Variants in NDRG4 observed in about 807,000 individuals in gnomAD.
NDRG4 encodes NDRG family member 4, also known as protein NDRG4.
A neutral mutation model predicts 55.8 loss-of-function variants in NDRG4; 38 were observed. The observed-to-expected ratio is 0.68, with a 90% CI of 0.53 to 0.89. The LOEUF is 0.89. Among genes scored for constraint, NDRG4 ranks in the 40% least tolerant of loss-of-function variants. The pLI, the probability that NDRG4 is intolerant of heterozygous loss-of-function variation, is 0.00. For missense variants in NDRG4, 455 were observed against 468.6 expected (o/e 0.97, Z 0.27); for synonymous variants, 190 against 182.7 (o/e 1.04, Z -0.32).
chr16:58,512,993 C>T lies in NDRG4; in HGVS notation c.*1417C>T, dbSNP rs991393699. ...TCTATAATCTTAAGCCATGACTAGC[C>T]TGGTGGCGTGTTAGTTTCTGCCCAG... On this transcript the variant is annotated 3_prime_UTR_variant, in exon 15 of 15. Coordinates refer to ENST00000570248, the MANE Select transcript of NDRG4 (RefSeq NM_001242835.2). The T allele has an allele frequency of 1.3e-5, 2 of 152,690 alleles. No homozygotes were observed. The highest frequency in any genetic ancestry group is 2.9e-5 in the Non-Finnish European group (2 of 68,088). The allele number at this position is 152,690 out of a possible 1,614,324, so 9.5% of individuals were successfully genotyped here. A position where few individuals can be genotyped will look rare whatever the true frequency, so the allele number is the denominator to read the frequency against.
At chr16:58,488,046 C>T (rs771092569) in intron 2 of NDRG4, among the ~76,000 whole-genome samples, 1 of 152,130 alleles carries the variant, frequency 6.6e-6, no homozygotes, top group Non-Finnish European at 1.5e-5. Context: ...TGGCTTCAGC[C>T]GTCTTTGAGG....
At chr16:58,466,478 C>T (rs1274199398) in intron 1 of NDRG4, among the ~76,000 whole-genome samples, 1 of 152,242 alleles carries the variant, frequency 6.6e-6, no homozygotes, top group African/African-American at 2.4e-5. Flanking sequence ...ATGCACTGTT[C>T]TCTCATCTCC....
intron 5 of NDRG4, among the ~76,000 whole-genome samples, chr16:58,505,212 A>G (rs574780612): frequency 7.6e-4 from 116 of 151,712 alleles, no homozygotes; most frequent in East Asian, 4.1e-3. Flanking sequence ...AGCCGGGCGT[A>G]GTGGCGGGCG....
At chr16:58,493,471 G>A (rs1010580838) in intron 2 of NDRG4, among the ~76,000 whole-genome samples, 6 of 152,178 alleles carry the variant, frequency 3.9e-5, no homozygotes, top group Admixed American at 1.3e-4. Context: ...GTTTTGACAC[G>A]TTGGCCAGGC....
At chr16:58,507,648 C>G (rs909750227) in intron 8 of NDRG4, 160 bp from the exon 9 acceptor site, 3 of 684,458 alleles carry the variant, frequency 4.4e-6, no homozygotes, top group East Asian at 5.4e-5. Flanking sequence ...CTGGTATGTG[C>G]TAGGGAGTCC....
At chr16:58,490,861 C>T (rs540713557) in intron 2 of NDRG4, among the ~76,000 whole-genome samples, 99 of 152,256 alleles carry the variant, frequency 6.5e-4, no homozygotes, top group Middle Eastern at 3.4e-3. Flanking sequence ...CCTGTACTCC[C>T]AGCTATTCGG....
intron 1 of NDRG4, chr16:58,502,064 A>G (rs771775016): frequency 2.2e-6 from 1 of 455,086 alleles, no homozygotes; most frequent in South Asian, 1.5e-5. Context: ...TCTCCTGTGA[A>G]CATGCAGCCT....
intron 1 of NDRG4, among the ~76,000 whole-genome samples, chr16:58,485,684 A>G (rs2035006527): frequency 6.6e-6 from 1 of 152,146 alleles, no homozygotes; most frequent in Admixed American, 6.5e-5. Flanking sequence ...ATGCCTTTCT[A>G]AAAATACAGC....
At chr16:58,478,993 G>T (rs960611280) in intron 1 of NDRG4, among the ~76,000 whole-genome samples, 1 of 151,906 alleles carries the variant, frequency 6.6e-6, no homozygotes, top group Non-Finnish European at 1.5e-5. Context: ...GCCAATATAT[G>T]TACCTGTTCA....
rs2038892870 is a variant in NDRG4 at position 58,512,270 on chromosome 16, A to C, written c.*694A>C. On this transcript the variant is annotated 3_prime_UTR_variant, in exon 15 of 15. Transcript: ENST00000570248. The stretch of plus-strand genomic sequence containing the variant: ...TCTGCCACCTCCTGGCCCTGTCCCA[A>C]TTCTGAGCCAAGGCCTCCCCGAGGC... 10 of 359,004 alleles carry C rather than the reference A, an allele frequency of 2.8e-5. 1 individual carries two copies. Among genetic ancestry groups the C allele is most frequent in the South Asian group, 1.4e-4 (7 of 48,668 alleles). The allele number at this position is 359,004 out of a possible 1,614,324, so 22.2% of individuals were successfully genotyped here. A position where few individuals can be genotyped will look rare whatever the true frequency, so the allele number is the denominator to read the frequency against.
At chr16:58,511,354 TAC>T in intron 14 of NDRG4, 66 bp from the exon 15 acceptor site, 1 of 1,502,974 alleles carries the variant, frequency 6.7e-7, no homozygotes, top group South Asian at 1.3e-5. Context: ...GCTTGCAGCC[TAC>T]TTTTCCCACC....
intron 1 of NDRG4, among the ~76,000 whole-genome samples, chr16:58,487,503 G>A (rs1220491401): frequency 6.6e-6 from 1 of 152,082 alleles, no homozygotes; most frequent in Non-Finnish European, 1.5e-5. Context: ...CTGGGTGACA[G>A]AGTGAGACTC....
chr16:58,477,800 A>AT (rs1293408570), intron 1 of NDRG4, among the ~76,000 whole-genome samples: 24 of 152,256 alleles, frequency 1.6e-4, no homozygotes, highest in Non-Finnish European at 2.9e-4. Flanking sequence ...GGGAAGTATG[A>AT]TGAGACATAG....
intron 14 of NDRG4, chr16:58,510,954 T>C (rs2038723707): frequency 3.5e-6 from 2 of 564,980 alleles, no homozygotes; most frequent in Non-Finnish European, 6.3e-6. Context: ...TCCTTAGAGG[T>C]AGAGCCCAGG....
At chr16:58,497,517 C>T (rs962109924), upstream of NDRG4, among the ~76,000 whole-genome samples, 1 of 151,206 alleles carries the variant, frequency 6.6e-6, no homozygotes, top group Non-Finnish European at 1.5e-5. Flanking sequence ...CCTAACCTCT[C>T]CAACTCTCAG....
Position 58,512,222 on chromosome 16 carries a change from A to T in NDRG4, c.*646A>T. 2 of 407,680 alleles carry T rather than the reference A, an allele frequency of 4.9e-6. No homozygotes were observed. The highest frequency in any genetic ancestry group is 3.6e-5 in the South Asian group (2 of 54,888). 25.3% of individuals were successfully genotyped at this position (407,680 alleles called of 1,614,324 possible). On this transcript the variant is annotated 3_prime_UTR_variant, in exon 15 of 15. Coordinates refer to ENST00000570248, the MANE Select transcript of NDRG4 (RefSeq NM_001242835.2). The stretch of plus-strand genomic sequence containing the variant: ...AGAACCGTCAGGGCAGGAACCCCAC[A>T]GACTGTCCCTTCCAGCCCACACTCT...
intron 1 of NDRG4, among the ~76,000 whole-genome samples, chr16:58,466,796 G>A (rs375916909): frequency 5.3e-5 from 8 of 152,278 alleles, no homozygotes; most frequent in African/African-American, 1.9e-4. Context: ...TCAGACTTCA[G>A]CCCTCTCATC....
At chr16:58,500,044 C>T, upstream of NDRG4, 10 of 1,407,538 alleles carry the variant, frequency 7.1e-6, no homozygotes, top group Non-Finnish European at 9.4e-6. Context: ...GCTGGGGCTC[C>T]TGGTAAGCGA....
chr16:58,466,434 G>T (rs1184242706), intron 1 of NDRG4, among the ~76,000 whole-genome samples: 1 of 152,198 alleles, frequency 6.6e-6, no homozygotes, highest in Non-Finnish European at 1.5e-5. Context: ...CATGTGTGGG[G>T]GGCTCAAGCA....
Sources: allele counts gnomAD v4.1 joint callset (sites outside exome capture counted in the v4.1 genomes callset), GRCh38; gene constraint gnomAD v4.1.1; transcripts MANE v1.5; gene names NCBI Gene and HGNC (gene_info 2026-07-23, HGNC 2026-07-21).